DNAH7: variants seen among roughly 807,000 people sequenced by gnomAD.
DNAH7 encodes axonemal beta dynein heavy chain 7.
Under a neutral mutation model 444.6 loss-of-function variants are expected in DNAH7, and 397 were observed. That is an observed-to-expected ratio of 0.89 (90% CI 0.82 to 0.97). DNAH7 has a LOEUF of 0.97. DNAH7 is among the 50% of genes least tolerant of loss of function. The probability of loss-of-function intolerance (pLI) is 0.00; values close to 1 mark genes in which losing one functional copy is unlikely to be tolerated. For missense variants in DNAH7, 4,902 were observed against 4,800.8 expected (o/e 1.02, Z -0.62); for synonymous variants, 1,636 against 1,624.4 (o/e 1.01, Z -0.17).
At chr2:195,840,506 T>C (rs1679866374) in intron 47 of DNAH7, among the ~76,000 whole-genome samples, 1 of 151,680 alleles carries the variant, frequency 6.6e-6, no homozygotes, top group Non-Finnish European at 1.5e-5. Context: ...GTCAGTGCAA[T>C]AAGCTAAGAA....
At chr2:195,821,533 C>T (rs993658037) in intron 49 of DNAH7, among the ~76,000 whole-genome samples, 1 of 152,106 alleles carries the variant, frequency 6.6e-6, no homozygotes, top group Non-Finnish European at 1.5e-5. Flanking sequence ...GGAGACAAGT[C>T]GGTGGATCCC....
intron 5 of DNAH7, among the ~76,000 whole-genome samples, chr2:196,029,307 T>C (rs1038769897): frequency 1.3e-5 from 2 of 152,104 alleles, no homozygotes; most frequent in African/African-American, 4.8e-5. Context: ...CTACCTACCT[T>C]GCTGAATTCT....
chr2:196,005,180 G>A (rs893242975), intron 10 of DNAH7, among the ~76,000 whole-genome samples: 1 of 151,540 alleles, frequency 6.6e-6, no homozygotes, highest in African/African-American at 2.4e-5. Context: ...AGGCTGAGGT[G>A]GGAAAATGGC....
At chr2:195,867,496 A>G (rs1482531389) in intron 40 of DNAH7, among the ~76,000 whole-genome samples, 1 of 152,190 alleles carries the variant, frequency 6.6e-6, no homozygotes, top group East Asian at 1.9e-4. Context: ...CAGAATCAGA[A>G]TATTCACAAA....
chr2:195,754,441 C>T lies in DNAH7; in HGVS notation c.11660G>A (p.Gly3887Asp), dbSNP rs372922467. Residue 3887 changes from glycine to aspartate, a missense_variant, in exon 63 of 65, where the codon GGT (glycine) becomes GAT (aspartate). Gly to Asp is a moderately conservative substitution (Grantham distance 94). Coordinates refer to ENST00000312428, the MANE Select transcript of DNAH7 (RefSeq NM_018897.3). ...GFFFTQAFLT[G>D]AQQNYARKYT... ...TTTCCTGGCGTAGTTCTGCTGGGCA[C>T]CGGTCAGGAAGGCTTGTGTGAAGAA... 8.7e-6 allele frequency: 14 copies of T among 1,613,920 alleles called. No homozygotes were observed. The highest frequency in any genetic ancestry group is 1.2e-5 in the Non-Finnish European group (14 of 1,179,982).
chr2:195,834,117 G>A (rs1698207822), intron 48 of DNAH7, 89 bp downstream of exon 48: 4 of 1,323,266 alleles, frequency 3.0e-6, no homozygotes, highest in South Asian at 1.8e-5. Flanking sequence ...TGAGGTGGGA[G>A]GATCGCTTGA....
At chr2:195,863,829 C>G (rs1358215208) in intron 41 of DNAH7, among the ~76,000 whole-genome samples, 1 of 152,170 alleles carries the variant, frequency 6.6e-6, no homozygotes, top group East Asian at 1.9e-4. Flanking sequence ...CCCTGCCTAC[C>G]CCTCTGTGAA....
intron 10 of DNAH7, 23 bp downstream of exon 10, chr2:196,012,764 T>A: frequency 6.3e-7 from 1 of 1,597,038 alleles, no homozygotes; most frequent in Non-Finnish European, 8.5e-7. Flanking sequence ...TATGCTTTCC[T>A]ACATGAAATT....
intron 63 of DNAH7, among the ~76,000 whole-genome samples, chr2:195,744,080 G>A (rs756221812): frequency 6.6e-6 from 1 of 152,250 alleles, no homozygotes; most frequent in Non-Finnish European, 1.5e-5. Context: ...CTCGGGAAGC[G>A]CAAGGGGTCA....
chr2:195,788,700 C>G (rs1695738436), intron 57 of DNAH7, among the ~76,000 whole-genome samples: 1 of 152,050 alleles, frequency 6.6e-6, no homozygotes, highest in African/African-American at 2.4e-5. Flanking sequence ...TGTTGAAAAC[C>G]AGGCTTCTCA....
chr2:195,794,008 G>A (rs890825947), intron 57 of DNAH7, among the ~76,000 whole-genome samples: 1 of 152,078 alleles, frequency 6.6e-6, no homozygotes, highest in Non-Finnish European at 1.5e-5. Context: ...ATAGCACAAG[G>A]CTCAGTTAAT....
intron 56 of DNAH7, 83 bp downstream of exon 56, chr2:195,796,493 G>T: frequency 6.9e-7 from 1 of 1,457,716 alleles, no homozygotes; most frequent in Non-Finnish European, 9.4e-7. Flanking sequence ...AAATTAGAGG[G>T]GAATGGAGCT....
chr2:195,834,654 A>C (rs1698244637), intron 47 of DNAH7, among the ~76,000 whole-genome samples: 1 of 152,222 alleles, frequency 6.6e-6, no homozygotes, highest in Admixed American at 6.5e-5. Flanking sequence ...TGCTCTTGCT[A>C]ATTATGTCAC....
At position 195,797,399 on chromosome 2, in the gene DNAH7, C is replaced by T. The variant is rs75965839; in HGVS notation, c.10354-662G>A. Among the ~76,000 whole-genome samples, 838 of 152,224 alleles carry T rather than the reference C, an allele frequency of 5.5e-3. 8 individuals carry two copies. Among genetic ancestry groups the T allele is most frequent in the African/African-American group, 0.019 (798 of 41,526 alleles). Reference sequence around the variant, plus strand: ...AATGCCCATGGCTTATTGTCACTAGCTGGTAGAGGCAGCAGAAAACAAAGT... The same window carrying T: ...AATGCCCATGGCTTATTGTCACTAGTTGGTAGAGGCAGCAGAAAACAAAGT... On this transcript the variant is annotated intron_variant, in intron 55 of 64. Transcript: ENST00000312428.
At chr2:195,869,075 G>T (rs1351557816) in intron 40 of DNAH7, among the ~76,000 whole-genome samples, 1 of 151,880 alleles carries the variant, frequency 6.6e-6, no homozygotes, top group Non-Finnish European at 1.5e-5. Context: ...TTGCCTCACA[G>T]ACTATTTGAA....
chr2:195,841,324 G>C (rs1206877539), intron 47 of DNAH7, among the ~76,000 whole-genome samples: 2 of 149,212 alleles, frequency 1.3e-5, no homozygotes, highest in Non-Finnish European at 3.0e-5. Context: ...CAAATCTTTT[G>C]TTGTTCCATA....
intron 61 of DNAH7, among the ~76,000 whole-genome samples, chr2:195,758,936 T>G (rs1355990804): frequency 6.6e-6 from 1 of 152,234 alleles, no homozygotes; most frequent in Non-Finnish European, 1.5e-5. Context: ...TCTGGGGTTC[T>G]AAATAAATTT....
At chr2:195,887,529 T>A (rs903683714) in intron 33 of DNAH7, among the ~76,000 whole-genome samples, 1 of 152,208 alleles carries the variant, frequency 6.6e-6, no homozygotes, top group East Asian at 1.9e-4. Context: ...GTAATCTACA[T>A]TAACATGGTT....
At chr2:195,797,712 C>G (rs1338817760) in intron 55 of DNAH7, among the ~76,000 whole-genome samples, 2 of 152,164 alleles carry the variant, frequency 1.3e-5, no homozygotes, top group Non-Finnish European at 2.9e-5. Context: ...TTCTGCACCA[C>G]CCAAATAAAT....
Sources: allele counts gnomAD v4.1 joint callset (sites outside exome capture counted in the v4.1 genomes callset), GRCh38; gene constraint gnomAD v4.1.1; transcripts MANE v1.5; gene names NCBI Gene and HGNC (gene_info 2026-07-23, HGNC 2026-07-21).